ADGRB1: variants seen among roughly 807,000 people sequenced by gnomAD.
ADGRB1 encodes the protein brain-specific angiogenesis inhibitor 1.
Under a neutral mutation model 175.7 loss-of-function variants are expected in ADGRB1, and 36 were observed. The ratio of observed to expected loss-of-function variants is 0.20; its 90% CI spans 0.16 to 0.27. ADGRB1 has a LOEUF of 0.27. Among genes scored for constraint, ADGRB1 ranks in the 10% least tolerant of loss-of-function variants. The pLI is 1.00. For synonymous variants in ADGRB1, 1,054 were observed against 979.4 expected, an observed-to-expected ratio of 1.08 and a Z score of -1.42; for missense variants, 1,731 against 2,255.3, an observed-to-expected ratio of 0.77 and a Z score of 4.71.
At chr8:142,540,636 G>A (rs371121487) in intron 27 of ADGRB1, among the ~76,000 whole-genome samples, 13 of 152,176 alleles carry the variant, frequency 8.5e-5, no homozygotes, top group Non-Finnish European at 1.3e-4. Flanking sequence ...GACCCCTCAC[G>A]TGCCAGGCGC....
rs753967044 is a variant in ADGRB1, at chr8:142,542,295, C to T, written c.4061C>T (p.Thr1354Met). 8.1e-5 allele frequency: 130 copies of T among 1,613,270 alleles called. No individual in the cohort carries two copies. The highest frequency in any genetic ancestry group is 1.0e-4 in the Non-Finnish European group (122 of 1,179,798). The change falls in exon 28 of 31, where the codon ACG becomes ATG. Residue 1354 changes from threonine to methionine, a missense_variant. Coordinates refer to ENST00000517894, the MANE Select transcript of ADGRB1 (RefSeq NM_001702.3). This position sits in a 1 kb window ranked among gnomAD's most constrained non-coding sequence, Gnocchi z 6.3. The part of the protein sequence containing the change: ...SYVILPTATA[T>M]LRPKPKEEPK... ...GTGATCCTGCCCACGGCCACGGCCA[C>T]GCTGCGGCCCAAGCCCAAGGAGGAG...
chr8:142,489,284 G>A, intron 15 of ADGRB1, 52 bp from the exon 16 acceptor site: 1 of 1,600,218 alleles, frequency 6.2e-7, no homozygotes, highest in Non-Finnish European at 8.6e-7. Context: ...AGGGCCAGGA[G>A]GAGCCTGGGC....
chr8:142,494,477 T>C (rs903504564), intron 17 of ADGRB1, among the ~76,000 whole-genome samples: 1 of 152,086 alleles, frequency 6.6e-6, no homozygotes, highest in African/African-American at 2.4e-5. Flanking sequence ...CACATGCTTG[T>C]AGGGCCACCT....
chr8:142,513,330 CA>C (rs1319236435), intron 18 of ADGRB1, among the ~76,000 whole-genome samples: 1 of 151,394 alleles, frequency 6.6e-6, no homozygotes, highest in African/African-American at 2.4e-5. Context: ...AGCTGACAGT[CA>C]GAGTGCCAGG....
chr8:142,542,269 C>T lies in ADGRB1; in HGVS notation c.4035C>T (p.Tyr1345=), dbSNP rs545153819. ...RAQEKALDTS[Y]VILPTATATL... ...AGGAGAAGGCTCTGGACACGAGCTA[C>T]GTGATCCTGCCCACGGCCACGGCCA... The change falls in exon 28 of 31, where the codon TAC becomes TAT. Residue 1345 remains tyrosine, a synonymous_variant. Transcript: ENST00000517894. This position sits in a 1 kb window ranked among gnomAD's most constrained non-coding sequence, Gnocchi z 6.3. 6.2e-6 allele frequency: 10 copies of T among 1,613,510 alleles called. No homozygotes were observed. In the South Asian group the frequency reaches 7.7e-5, roughly 12 times the overall value.
At chr8:142,484,538 C>T (rs1016518974) in intron 12 of ADGRB1, 118 bp from the exon 13 acceptor site, 33 of 1,093,948 alleles carry the variant, frequency 3.0e-5, no homozygotes, top group Middle Eastern at 5.0e-4. Context: ...ACCAGCCCCA[C>T]TTCCTCAAAA....
chr8:142,522,606 G>T (rs748938083), intron 21 of ADGRB1, 35 bp from the exon 22 acceptor site: 290 of 1,529,364 alleles, frequency 1.9e-4, no homozygotes, highest in Non-Finnish European at 2.4e-4. Flanking sequence ...GGGGACTTGG[G>T]TGGGGCCAAC....
At position 142,510,751 on chromosome 8, in the gene ADGRB1, G is replaced by A. The variant is rs1256933156; in HGVS notation, c.2676-181G>A. ...GGCGGGCGCAGAGCGCGGCATGGGC[G>A]CCCGGGCCGCGGGGCCTGGCGGCGG... On this transcript the variant is annotated intron_variant, in intron 17 of 30. Coordinates refer to ENST00000517894, the MANE Select transcript of ADGRB1 (RefSeq NM_001702.3). The surrounding 1 kb of genome is among the most constrained non-coding windows in gnomAD (Gnocchi z 6.3). 1.9e-4 allele frequency among the ~76,000 whole-genome samples: 28 copies of A among 143,636 alleles called. No homozygotes were observed. The highest frequency in any genetic ancestry group is 1.9e-3 in the Admixed American group (28 of 14,608). The allele number at this position is 143,636 out of a possible 152,430, so 94.2% of individuals were successfully genotyped here.
intron 24 of ADGRB1, among the ~76,000 whole-genome samples, chr8:142,528,842 T>A (rs1025875731): frequency 6.6e-6 from 1 of 152,242 alleles, no homozygotes; most frequent in Non-Finnish European, 1.5e-5. Flanking sequence ...GCTCTAGGCC[T>A]GGCAGCACAA....
At chr8:142,456,605 G>A (rs1318762285) in intron 1 of ADGRB1, among the ~76,000 whole-genome samples, 4 of 152,144 alleles carry the variant, frequency 2.6e-5, no homozygotes, top group South Asian at 2.1e-4. Flanking sequence ...CAGCACACAC[G>A]GCCACAGATG....
At chr8:142,475,168 T>C (rs1840885112) in intron 2 of ADGRB1, among the ~76,000 whole-genome samples, 1 of 152,198 alleles carries the variant, frequency 6.6e-6, no homozygotes, top group African/African-American at 2.4e-5. Flanking sequence ...ATCAGGACGC[T>C]GTGCTCTGAG....
intron 17 of ADGRB1, among the ~76,000 whole-genome samples, chr8:142,502,412 T>A: frequency 2.8e-5 from 2 of 72,092 alleles, no homozygotes; most frequent in Non-Finnish European, 2.9e-5. Context: ...GTGGTGGTGG[T>A]GGTGGTGATG....
chr8:142,505,942 C>T (rs1015844126), intron 17 of ADGRB1, among the ~76,000 whole-genome samples: 5 of 152,150 alleles, frequency 3.3e-5, no homozygotes, highest in Admixed American at 3.3e-4. Flanking sequence ...CCCAAGGCTC[C>T]GGGTGAGCGA....
At chr8:142,450,417 C>T (rs1481940252) in intron 1 of ADGRB1, among the ~76,000 whole-genome samples, 2 of 152,184 alleles carry the variant, frequency 1.3e-5, no homozygotes, top group African/African-American at 4.8e-5. Flanking sequence ...CATCCACACA[C>T]CACAGCCTGG....
At chr8:142,456,080 C>T (rs973329023) in intron 1 of ADGRB1, among the ~76,000 whole-genome samples, 4 of 152,074 alleles carry the variant, frequency 2.6e-5, no homozygotes, top group Admixed American at 6.5e-5. Flanking sequence ...TTCAGAGCCC[C>T]GGGGAAAAGG....
chr8:142,480,288 G>T (rs1173839015), intron 9 of ADGRB1, among the ~76,000 whole-genome samples: 3 of 152,296 alleles, frequency 2.0e-5, no homozygotes, highest in Middle Eastern at 3.4e-3. Flanking sequence ...GAGGATGGGA[G>T]CCTGGGTTCA....
chr8:142,500,328 CCGCCCCCCGCGCCG>C (rs1842445126), intron 17 of ADGRB1, among the ~76,000 whole-genome samples: 1 of 83,588 alleles, frequency 1.2e-5, no homozygotes, highest in African/African-American at 4.3e-5. Flanking sequence ...CGCTCCTCCC[CCGCCCCCCGCGCCG>C]CTCCTCCCCC....
chr8:142,526,376 C>T (rs1380892777), intron 23 of ADGRB1, among the ~76,000 whole-genome samples, 166 bp from the exon 24 acceptor site: 2 of 152,164 alleles, frequency 1.3e-5, no homozygotes, highest in African/African-American at 4.8e-5. Flanking sequence ...TGGAGGTCAC[C>T]TGACATCCCA....
intron 1 of ADGRB1, among the ~76,000 whole-genome samples, chr8:142,453,522 C>T (rs1421087496): frequency 6.6e-6 from 1 of 152,344 alleles, no homozygotes; most frequent in East Asian, 1.9e-4. Context: ...TCCCTGGCTG[C>T]AGCTGCGCCA....
Sources: allele counts gnomAD v4.1 joint callset (sites outside exome capture counted in the v4.1 genomes callset), GRCh38; gene constraint gnomAD v4.1.1; non-coding constraint Gnocchi (gnomAD v3.1); transcripts MANE v1.5; gene names NCBI Gene and HGNC (gene_info 2026-07-23, HGNC 2026-07-21).